Variants in FAH observed in about 807,000 individuals in gnomAD.
FAH encodes the protein fumarylacetoacetase.
A neutral mutation model predicts 55.8 loss-of-function variants in FAH; 47 were observed. The observed-to-expected ratio is 0.84, with a 90% confidence interval of 0.67 to 1.07. The LOEUF is 1.07. Ranked by LOEUF, FAH falls within the 50% of genes least tolerant of loss-of-function variation. The pLI, the probability that FAH is intolerant of heterozygous loss-of-function variation, is 0.00. For synonymous variants in FAH, 199 were observed against 207.7 expected, an observed-to-expected ratio of 0.96 and a Z score of 0.36; for missense variants, 495 against 545.9, an observed-to-expected ratio of 0.91 and a Z score of 0.93.
intron 5 of FAH, chr15:80,163,737 C>G (rs1381146046): frequency 6.6e-6 from 1 of 152,208 alleles, no homozygotes; most frequent in African/African-American, 2.4e-5. Flanking sequence ...AATGTGTCTA[C>G]TCTTTGACCT....
At chr15:80,167,988 T>C in intron 5 of FAH, 64 bp from the exon 6 acceptor site, 1 of 1,379,108 alleles carries the variant, frequency 7.3e-7, no homozygotes, top group Non-Finnish European at 1.0e-6. Flanking sequence ...TTTGAAGTTT[T>C]TAAAGTTAAT....
At chr15:80,179,426 G>C (rs1345557553) in intron 11 of FAH, among the ~76,000 whole-genome samples, 3 of 152,290 alleles carry the variant, frequency 2.0e-5, no homozygotes, top group African/African-American at 7.2e-5. Context: ...AGGGGCTCGT[G>C]GGCAAGAATC....
At chr15:80,161,980 A>G (rs1428392801) in intron 4 of FAH, among the ~76,000 whole-genome samples, 2 of 152,252 alleles carry the variant, frequency 1.3e-5, no homozygotes, top group Non-Finnish European at 2.9e-5. Flanking sequence ...AGGTGGTATC[A>G]GCCACTTGGT....
chr15:80,155,666 G>A (rs72478420), intron 1 of FAH, among the ~76,000 whole-genome samples: 3,829 of 152,166 alleles, frequency 0.025, 136 homozygotes, highest in African/African-American at 0.085. Flanking sequence ...CACAGAGACC[G>A]GTAGTGGCCC....
At chr15:80,165,579 C>T (rs1191761082) in intron 5 of FAH, among the ~76,000 whole-genome samples, 22 of 151,490 alleles carry the variant, frequency 1.5e-4, no homozygotes, top group Non-Finnish European at 2.6e-4. Flanking sequence ...CCTGTAGTCC[C>T]GGCTACTTGG....
intron 5 of FAH, chr15:80,166,099 T>C (rs76238902): frequency 6.6e-6 from 1 of 152,198 alleles, no homozygotes; most frequent in Non-Finnish European, 1.5e-5. Context: ...GAGACAAAAC[T>C]GTTAATCGGT....
intron 11 of FAH, among the ~76,000 whole-genome samples, chr15:80,179,524 T>C (rs2041311881): frequency 6.6e-6 from 1 of 152,062 alleles, no homozygotes; most frequent in African/African-American, 2.4e-5. Context: ...GGGCGTGCAT[T>C]GCATCTGAGC....
chr15:80,173,780 C>G (rs952301915), intron 9 of FAH: 1 of 169,838 alleles, frequency 5.9e-6, no homozygotes, highest in East Asian at 1.6e-4. Context: ...TTCCCTCACC[C>G]CTTGGTTTCT....
chr15:80,186,165 G>C lies in FAH; in HGVS notation c.1216G>C (p.Gly406Arg). The change falls in exon 14 of 14, where the codon GGC (glycine) becomes CGC (arginine). Residue 406 changes from glycine to arginine, a missense_variant. Gly to Arg is a moderately radical substitution (Grantham distance 125). Transcript: ENST00000561421. Reference sequence around the variant, plus strand: ...GGGGGATGGTTACCGCATCGGCTTTGGCCAGTGTGCTGGAAAAGTGCTGCC... The same window carrying C: ...GGGGGATGGTTACCGCATCGGCTTTCGCCAGTGTGCTGGAAAAGTGCTGCC... ...CQGDGYRIGF[G>R]QCAGKVLPAL... 1 of 1,614,182 alleles carries C rather than the reference G, an allele frequency of 6.2e-7. No individual in the cohort carries two copies. Among genetic ancestry groups the C allele is most frequent in the African/African-American group, 1.3e-5 (1 of 75,058 alleles).
At chr15:80,156,728 C>A (rs376185187) in intron 1 of FAH, 7 of 152,312 alleles carry the variant, frequency 4.6e-5, no homozygotes, top group Admixed American at 2.6e-4. Flanking sequence ...TGGATCTGAC[C>A]TGTGAGCCCC....
intron 9 of FAH, among the ~76,000 whole-genome samples, chr15:80,174,814 T>C (rs1476400181): frequency 7.0e-6 from 1 of 142,348 alleles, no homozygotes; most frequent in Non-Finnish European, 1.6e-5. Context: ...CTTGGCTGCA[T>C]TTCCTAGAGA....
chr15:80,178,657 C>A (rs1287060028), intron 11 of FAH, among the ~76,000 whole-genome samples: 1 of 150,936 alleles, frequency 6.6e-6, no homozygotes. Flanking sequence ...GATCTCGGCT[C>A]ACTGCAAACT....
intron 10 of FAH, among the ~76,000 whole-genome samples, chr15:80,175,846 G>A (rs891839791): frequency 6.6e-6 from 1 of 151,780 alleles, no homozygotes; most frequent in Non-Finnish European, 1.5e-5. Flanking sequence ...GTCAATTCAT[G>A]CAAAGGTCTG....
chr15:80,160,034 G>T (rs1395122991), intron 3 of FAH, 157 bp downstream of exon 3: 5 of 1,039,964 alleles, frequency 4.8e-6, no homozygotes, highest in Non-Finnish European at 7.0e-6. Flanking sequence ...GCCTATTGAT[G>T]GGAGGGCTTT....
chr15:80,162,233 C>G lies in FAH; in HGVS notation c.365-13C>G. On this transcript the variant is annotated splice_polypyrimidine_tract_variant and intron_variant, in intron 4 of 13. Coordinates refer to ENST00000561421, the MANE Select transcript of FAH (RefSeq NM_000137.4). ...GGGTTGCTGATGGGATCTGTTGGGTCTTTCCTCTGCAGGAGACTACACAGA... is the reference window on the plus strand; with the variant it reads ...GGGTTGCTGATGGGATCTGTTGGGTGTTTCCTCTGCAGGAGACTACACAGA... The G allele has an allele frequency of 6.2e-7, 1 of 1,611,270 alleles. No homozygotes were observed. The highest frequency in any genetic ancestry group is 1.1e-5 in the South Asian group (1 of 91,012).
At chr15:80,173,552 G>T in intron 9 of FAH, 1 of 351,662 alleles carries the variant, frequency 2.8e-6, no homozygotes, top group Non-Finnish European at 5.6e-6. Flanking sequence ...CCCAGCAACA[G>T]GGAGTCCCTG....
At chr15:80,163,294 A>T (rs1346587924) in intron 5 of FAH, 2 of 152,418 alleles carry the variant, frequency 1.3e-5, no homozygotes, top group East Asian at 3.8e-4. Flanking sequence ...AGAATCTTGC[A>T]CTGTACAGGC....
chr15:80,168,221 C>T (rs1202941435), intron 6 of FAH, 43 bp from the exon 7 acceptor site: 1 of 1,608,416 alleles, frequency 6.2e-7, no homozygotes, highest in Non-Finnish European at 8.5e-7. Flanking sequence ...TCTGTGGCCT[C>T]ACTCACAGCA....
intron 5 of FAH, among the ~76,000 whole-genome samples, chr15:80,166,682 G>A (rs2041195144): frequency 7.0e-6 from 1 of 143,730 alleles, no homozygotes; most frequent in African/African-American, 2.6e-5. Flanking sequence ...TGTCGCCATG[G>A]CTAGAGTGCA....
Sources: gnomAD v4.1 joint callset for allele counts (sites outside exome capture counted in the v4.1 genomes callset) on GRCh38, gnomAD v4.1.1 for gene constraint, MANE v1.5 for transcripts, NCBI Gene and HGNC (gene_info 2026-07-23, HGNC 2026-07-21) for gene names.